Variants in SGPP2 observed in about 807,000 individuals in gnomAD.
The protein encoded by SGPP2 is sphingosine 1-phosphate phosphohydrolase 2.
Under a neutral mutation model 33.9 loss-of-function variants are expected in SGPP2, and 30 were observed. The ratio of observed to expected loss-of-function variants is 0.89; its 90% CI spans 0.66 to 1.20. The LOEUF (loss-of-function observed/expected upper bound fraction) is 1.20, where lower values mean the gene tolerates loss of function less well. Ranked by LOEUF, SGPP2 falls within the 50% of genes most tolerant of loss-of-function variation. SGPP2 has a pLI of 0.00. For missense variants in SGPP2, 458 were observed against 532.1 expected, an observed-to-expected ratio of 0.86 and a Z score of 1.37; for synonymous variants, 233 against 225.0, an observed-to-expected ratio of 1.04 and a Z score of -0.32.
intron 1 of SGPP2, among the ~76,000 whole-genome samples, chr2:222,469,470 A>G (rs1464753873): frequency 6.6e-6 from 1 of 152,232 alleles, no homozygotes; most frequent in Non-Finnish European, 1.5e-5. Context: ...GGCATGAGCC[A>G]TCGCGCCTGG....
intron 1 of SGPP2, among the ~76,000 whole-genome samples, chr2:222,435,256 G>T (rs1175970143): frequency 2.0e-5 from 3 of 152,042 alleles, no homozygotes; most frequent in Non-Finnish European, 4.4e-5. Flanking sequence ...TGTAGGCTGG[G>T]AAGTTAGGCC....
At chr2:222,546,571 T>G (rs573727040) in intron 4 of SGPP2, among the ~76,000 whole-genome samples, 14 of 152,050 alleles carry the variant, frequency 9.2e-5, no homozygotes, top group African/African-American at 3.1e-4. Flanking sequence ...CCCCAGGGAG[T>G]TTTGCTTTTG....
intron 2 of SGPP2, among the ~76,000 whole-genome samples, chr2:222,478,212 G>A: frequency 6.6e-6 from 1 of 151,002 alleles, no homozygotes; most frequent in Non-Finnish European, 1.5e-5. Context: ...GAGGGGGAGA[G>A]GGAGGTGCGG....
At chr2:222,459,342 G>T (rs1697623824) in intron 1 of SGPP2, among the ~76,000 whole-genome samples, 1 of 151,582 alleles carries the variant, frequency 6.6e-6, no homozygotes, top group South Asian at 2.1e-4. Flanking sequence ...GGACAACAGG[G>T]TTTTACCATT....
chr2:222,451,694 G>A (rs1338012026), intron 1 of SGPP2, among the ~76,000 whole-genome samples: 1 of 152,172 alleles, frequency 6.6e-6, no homozygotes, highest in Non-Finnish European at 1.5e-5. Context: ...GGGACTAAAA[G>A]TAAAGGAAGA....
chr2:222,500,092 C>T (rs1698344106), intron 2 of SGPP2, among the ~76,000 whole-genome samples: 2 of 152,162 alleles, frequency 1.3e-5, no homozygotes. Context: ...ATGACAGCCA[C>T]CACCTGTGCT....
chr2:222,519,592 A>T (rs1401404677), intron 2 of SGPP2, among the ~76,000 whole-genome samples: 1 of 152,138 alleles, frequency 6.6e-6, no homozygotes, highest in Non-Finnish European at 1.5e-5. Flanking sequence ...GATATGGGGG[A>T]TATATGCGCA....
intron 1 of SGPP2, among the ~76,000 whole-genome samples, chr2:222,457,354 G>A (rs367819278): frequency 2.6e-5 from 4 of 152,176 alleles, no homozygotes; most frequent in East Asian, 3.9e-4. Context: ...CCTTTAATGT[G>A]TAAGGCCTAT....
At chr2:222,501,268 A>C (rs184166013) in intron 2 of SGPP2, among the ~76,000 whole-genome samples, 1 of 152,110 alleles carries the variant, frequency 6.6e-6, no homozygotes. Flanking sequence ...TGGACAGATG[A>C]GGTTGCTGCT....
chr2:222,509,564 T>G (rs1164455311), intron 2 of SGPP2, among the ~76,000 whole-genome samples: 2 of 152,350 alleles, frequency 1.3e-5, no homozygotes, highest in East Asian at 3.9e-4. Flanking sequence ...TTCAGTGCCC[T>G]GTGGACGGGC....
intron 4 of SGPP2, among the ~76,000 whole-genome samples, chr2:222,525,941 A>G (rs879398337): frequency 6.6e-6 from 1 of 152,158 alleles, no homozygotes; most frequent in Non-Finnish European, 1.5e-5. Context: ...GAGCGAACAG[A>G]TTGGGGAGAT....
chr2:222,526,390 G>A (rs1698759233), intron 4 of SGPP2, among the ~76,000 whole-genome samples: 1 of 152,176 alleles, frequency 6.6e-6, no homozygotes, highest in South Asian at 2.1e-4. Context: ...ACCTCCCAAG[G>A]CACGTCCTTG....
chr2:222,503,557 C>G (rs1340593284), intron 2 of SGPP2, among the ~76,000 whole-genome samples: 2 of 152,110 alleles, frequency 1.3e-5, no homozygotes, highest in African/African-American at 4.8e-5. Context: ...TACAGGCCAT[C>G]ATGCTTTTTT....
At chr2:222,499,991 G>A (rs1245851726) in intron 2 of SGPP2, among the ~76,000 whole-genome samples, 4 of 152,182 alleles carry the variant, frequency 2.6e-5, no homozygotes, top group Non-Finnish European at 4.4e-5. Flanking sequence ...TTGGTTGGCA[G>A]AAGGGTGTTA....
chr2:222,479,502 A>T (rs1265465513), intron 2 of SGPP2, among the ~76,000 whole-genome samples: 2 of 146,802 alleles, frequency 1.4e-5, no homozygotes, highest in Non-Finnish European at 3.0e-5. Flanking sequence ...TCCCGGGATC[A>T]CACCATTCTC....
At chr2:222,543,558 T>C (rs141744012) in intron 4 of SGPP2, among the ~76,000 whole-genome samples, 1 of 152,356 alleles carries the variant, frequency 6.6e-6, no homozygotes, top group Non-Finnish European at 1.5e-5. Flanking sequence ...CATAACGATA[T>C]GCTGTCATAA....
At chr2:222,551,474 T>A (rs1689292774) in intron 4 of SGPP2, among the ~76,000 whole-genome samples, 1 of 152,228 alleles carries the variant, frequency 6.6e-6, no homozygotes, top group African/African-American at 2.4e-5. Flanking sequence ...TAAAAAGTTG[T>A]TTTCAAATTT....
chr2:222,500,368 A>G (rs1333493392), intron 2 of SGPP2, among the ~76,000 whole-genome samples: 1 of 152,140 alleles, frequency 6.6e-6, no homozygotes, highest in Non-Finnish European at 1.5e-5. Context: ...TAACCAGAAA[A>G]AAGGGAGGGA....
At chr2:222,556,495 T>A (rs928910123) in intron 4 of SGPP2, among the ~76,000 whole-genome samples, 4 of 72,714 alleles carry the variant, frequency 5.5e-5, no homozygotes, top group Non-Finnish European at 1.1e-4. Flanking sequence ...CCCCACACCC[T>A]CATTCCTCCC....
Sources: allele counts gnomAD v4.1 joint callset (sites outside exome capture counted in the v4.1 genomes callset), GRCh38; gene constraint gnomAD v4.1.1; transcripts MANE v1.5; gene names NCBI Gene and HGNC (gene_info 2026-07-23, HGNC 2026-07-21).